AGAP1: variants seen among roughly 807,000 people sequenced by gnomAD.
AGAP1 encodes arf-GAP with GTPase, ANK repeat and PH domain-containing protein 1.
A neutral mutation model predicts 105.3 loss-of-function variants in AGAP1; 29 were observed. That is an observed-to-expected ratio of 0.28 (90% CI 0.21 to 0.38). AGAP1 has a LOEUF of 0.38. AGAP1 is among the 10% of genes least tolerant of loss of function. The probability of loss-of-function intolerance (pLI) is 1.00; values close to 1 mark genes in which losing one functional copy is unlikely to be tolerated. For missense variants in AGAP1, 998 were observed against 1,165.1 expected, an observed-to-expected ratio of 0.86 and a Z score of 2.09; for synonymous variants, 509 against 485.9, an observed-to-expected ratio of 1.05 and a Z score of -0.63.
intron 1 of AGAP1, among the ~76,000 whole-genome samples, chr2:235,607,252 T>C (rs770069227): frequency 1.2e-4 from 19 of 152,124 alleles, no homozygotes; most frequent in Non-Finnish European, 1.8e-4. Flanking sequence ...AGGTGGGAAA[T>C]AGGACATTTT....
At chr2:235,791,377 A>C (rs181941128) in intron 6 of AGAP1, among the ~76,000 whole-genome samples, 2 of 152,218 alleles carry the variant, frequency 1.3e-5, no homozygotes, top group Admixed American at 1.3e-4. Context: ...TCTCCAGGTA[A>C]GCCCCCTATG....
chr2:235,937,911 A>G (rs2053068521), intron 12 of AGAP1, among the ~76,000 whole-genome samples: 1 of 152,236 alleles, frequency 6.6e-6, no homozygotes, highest in Non-Finnish European at 1.5e-5. Flanking sequence ...CTGGACAATG[A>G]AAGTTTCGCT....
At chr2:236,008,411 T>A (rs1266720328) in intron 13 of AGAP1, among the ~76,000 whole-genome samples, 1 of 152,220 alleles carries the variant, frequency 6.6e-6, no homozygotes, top group Non-Finnish European at 1.5e-5. Context: ...ACCGATGCAT[T>A]TCTCACGTTC....
At chr2:235,996,203 A>G (rs1294168184) in intron 13 of AGAP1, among the ~76,000 whole-genome samples, 2 of 152,198 alleles carry the variant, frequency 1.3e-5, no homozygotes, top group Non-Finnish European at 1.5e-5. Context: ...AGCCATTGTC[A>G]TTTAGTTATC....
At chr2:235,972,876 A>G (rs571028544) in intron 13 of AGAP1, among the ~76,000 whole-genome samples, 1 of 152,174 alleles carries the variant, frequency 6.6e-6, no homozygotes, top group Non-Finnish European at 1.5e-5. Flanking sequence ...CCCCTCCATC[A>G]TCCCCCAGGG....
chr2:236,024,039 T>TTTTGTTTTTTG (rs1559201606), intron 13 of AGAP1, among the ~76,000 whole-genome samples: 42 of 148,456 alleles, frequency 2.8e-4, no homozygotes, highest in African/African-American at 1.0e-3. Context: ...TTTTTGTTTT[T>TTTTGTTTTTTG]TTTTTTTTTT....
chr2:235,998,796 G>A (rs1416538676), intron 13 of AGAP1, among the ~76,000 whole-genome samples: 1 of 151,144 alleles, frequency 6.6e-6, no homozygotes, highest in African/African-American at 2.4e-5. Flanking sequence ...TTGTGACAGT[G>A]GTGGTAATGA....
chr2:235,776,498 A>G (rs1955874994), intron 6 of AGAP1, among the ~76,000 whole-genome samples: 1 of 152,142 alleles, frequency 6.6e-6, no homozygotes. Flanking sequence ...CCTAGCACCT[A>G]CCATAGTGGT....
Position 235,845,078 on chromosome 2 carries a change from C to T in AGAP1, c.1050+37747C>T, listed in dbSNP as rs1054527971. Among the ~76,000 whole-genome samples, 1 of 152,182 alleles carries T rather than the reference C, an allele frequency of 6.6e-6. No individual in the cohort carries two copies. Among genetic ancestry groups the T allele is most frequent in the African/African-American group, 2.4e-5 (1 of 41,448 alleles). On this transcript the variant is annotated intron_variant, in intron 9 of 17. Coordinates refer to ENST00000304032, the MANE Select transcript of AGAP1 (RefSeq NM_001037131.3). This position sits in a 1 kb window ranked among gnomAD's most constrained non-coding sequence, Gnocchi z 4.8. Reference sequence around the variant, plus strand: ...CCACATGGCTGAATTGAACAGTCAACAAGGCAGCCTCCTAACAAGTCCTGT... The same window carrying T: ...CCACATGGCTGAATTGAACAGTCAATAAGGCAGCCTCCTAACAAGTCCTGT...
chr2:235,932,414 T>G (rs919186049), intron 12 of AGAP1, among the ~76,000 whole-genome samples: 2 of 152,248 alleles, frequency 1.3e-5, no homozygotes, highest in Non-Finnish European at 2.9e-5. Context: ...GTTCACATAC[T>G]CGTTTCATTA....
chr2:235,658,481 A>G (rs1432282567), intron 1 of AGAP1, among the ~76,000 whole-genome samples: 1 of 152,210 alleles, frequency 6.6e-6, no homozygotes, highest in Non-Finnish European at 1.5e-5. Flanking sequence ...TCTACACTTG[A>G]AAGACTTTCC....
chr2:235,497,235 C>G (rs1049391227), intron 1 of AGAP1, among the ~76,000 whole-genome samples: 2 of 152,148 alleles, frequency 1.3e-5, no homozygotes, highest in Admixed American at 1.3e-4. Flanking sequence ...GAAGTCTGAT[C>G]TGAACCAAGG....
At chr2:235,595,351 G>A (rs1268008674) in intron 1 of AGAP1, among the ~76,000 whole-genome samples, 1 of 152,202 alleles carries the variant, frequency 6.6e-6, no homozygotes, top group East Asian at 1.9e-4. Context: ...AAACTGACCA[G>A]AAGCACATAG....
rs575985878 is a variant in AGAP1, at chr2:235,627,519, C to T, written c.164-81660C>T. On this transcript the variant is annotated intron_variant, in intron 1 of 17. Coordinates refer to ENST00000304032, the MANE Select transcript of AGAP1 (RefSeq NM_001037131.3). ...GGATTACAGGCGTGAGCCACGGCGC[C>T]CGGCTATTTTGAGTTCTTTATGTTG... Among the ~76,000 whole-genome samples the T allele has an allele frequency of 5.8e-3, 876 of 152,210 alleles. 6 individuals are homozygous for T. The highest frequency in any genetic ancestry group is 0.01 in the Middle Eastern group (3 of 294).
rs1434119782 is a variant in AGAP1, at chr2:236,082,015, C to G, written c.2114+32734C>G. Among the ~76,000 whole-genome samples, 1 of 152,156 alleles carries G rather than the reference C, an allele frequency of 6.6e-6. No homozygotes were observed. Among genetic ancestry groups the G allele is most frequent in the Non-Finnish European group, 1.5e-5 (1 of 68,036 alleles). ...ACAGGAAATATAGCACGCCTAGTCA[C>G]TAATCCAAAAGGAATGTGAAAAAAG... On this transcript the variant is annotated intron_variant, in intron 16 of 17. Coordinates refer to ENST00000304032, the MANE Select transcript of AGAP1 (RefSeq NM_001037131.3). This position sits in a 1 kb window ranked among gnomAD's most constrained non-coding sequence, Gnocchi z 4.2.
At chr2:235,657,328 A>G (rs118103088) in intron 1 of AGAP1, among the ~76,000 whole-genome samples, 1 of 152,164 alleles carries the variant, frequency 6.6e-6, no homozygotes, top group Non-Finnish European at 1.5e-5. Flanking sequence ...TCCAAATGTG[A>G]CTATTACACA....
Position 235,769,220 on chromosome 2 carries a change from G to A in AGAP1, c.673+18732G>A, listed in dbSNP as rs1408037693. 6.6e-6 allele frequency among the ~76,000 whole-genome samples: 1 copy of A among 152,182 alleles called. No individual in the cohort carries two copies. The highest frequency in any genetic ancestry group is 1.5e-5 in the Non-Finnish European group (1 of 68,036). On this transcript the variant is annotated intron_variant, in intron 6 of 17. Transcript: ENST00000304032. The surrounding 1 kb of genome is among the most constrained non-coding windows in gnomAD (Gnocchi z 4.4). The stretch of plus-strand genomic sequence containing the variant: ...GCCCAGGCGTGTCTTTTGTCCCCCA[G>A]TGCCTGGCACGGTGCCCTCCAGGAG...
intron 16 of AGAP1, among the ~76,000 whole-genome samples, chr2:236,071,377 A>G (rs1025575771): frequency 2.0e-5 from 3 of 152,144 alleles, no homozygotes; most frequent in Admixed American, 6.5e-5. Context: ...CCACTCCTGG[A>G]AGGATTGGTT....
At chr2:235,902,433 A>T (rs1392381868) in intron 10 of AGAP1, among the ~76,000 whole-genome samples, 1 of 152,220 alleles carries the variant, frequency 6.6e-6, no homozygotes, top group East Asian at 1.9e-4. Context: ...ATGCAGGCAT[A>T]TCCACATGCA....
Sources: gnomAD v4.1 joint callset for allele counts (sites outside exome capture counted in the v4.1 genomes callset) on GRCh38, gnomAD v4.1.1 for gene constraint, Gnocchi (gnomAD v3.1) non-coding constraint, MANE v1.5 for transcripts, NCBI Gene and HGNC (gene_info 2026-07-23, HGNC 2026-07-21) for gene names.